Variants in SOS1 observed in about 807,000 individuals in gnomAD.
SOS1 encodes the protein son of sevenless homolog 1.
A neutral mutation model predicts 157.6 loss-of-function variants in SOS1; 25 were observed. The observed-to-expected ratio is 0.16, with a 90% CI of 0.12 to 0.22. The LOEUF (loss-of-function observed/expected upper bound fraction) is 0.22, where lower values mean the gene tolerates loss of function less well. Ranked by LOEUF, SOS1 falls within the 10% of genes least tolerant of loss-of-function variation. SOS1 has a pLI of 1.00. For missense variants in SOS1, 1,237 were observed against 1,599.1 expected, an observed-to-expected ratio of 0.77 and a Z score of 3.86; for synonymous variants, 528 against 534.0, an observed-to-expected ratio of 0.99 and a Z score of 0.16.
chr2:39,086,618 C>T (rs1297847578), intron 1 of SOS1, among the ~76,000 whole-genome samples: 3 of 152,166 alleles, frequency 2.0e-5, no homozygotes, highest in Non-Finnish European at 4.4e-5. Flanking sequence ...CCTTCCCCGA[C>T]AATTCCATGT....
At chr2:39,088,831 G>T (rs1186543323) in intron 1 of SOS1, among the ~76,000 whole-genome samples, 1 of 152,092 alleles carries the variant, frequency 6.6e-6, no homozygotes, top group Admixed American at 6.5e-5. Flanking sequence ...ATAGCTAGAA[G>T]TGGAACTACT....
chr2:39,096,946 T>C (rs191240415), intron 1 of SOS1, among the ~76,000 whole-genome samples: 41 of 152,126 alleles, frequency 2.7e-4, no homozygotes, highest in South Asian at 2.1e-4. Flanking sequence ...ATATAAAGAA[T>C]TGCCAGAAAT....
At chr2:39,066,707 G>A (rs938884396) in intron 2 of SOS1, among the ~76,000 whole-genome samples, 8 of 152,110 alleles carry the variant, frequency 5.3e-5, no homozygotes, top group African/African-American at 1.9e-4. Context: ...CTTTCTAAGA[G>A]ATTACACAAT....
intron 1 of SOS1, among the ~76,000 whole-genome samples, chr2:39,089,445 T>C (rs925944820): frequency 3.3e-5 from 5 of 151,092 alleles, no homozygotes; most frequent in African/African-American, 4.9e-5. Flanking sequence ...AGCATGAGAA[T>C]TGCTTGAGCC....
chr2:39,086,235 T>C (rs949973006), intron 1 of SOS1, among the ~76,000 whole-genome samples: 20 of 152,132 alleles, frequency 1.3e-4, no homozygotes, highest in Admixed American at 2.6e-4. Flanking sequence ...GAAAAGTATA[T>C]TGGTGAAGTG....
chr2:39,076,745 C>G (rs1672014277), intron 1 of SOS1, among the ~76,000 whole-genome samples: 1 of 152,090 alleles, frequency 6.6e-6, no homozygotes, highest in African/African-American at 2.4e-5. Context: ...ACAAGGATAC[C>G]TACTATCACA....
chr2:39,042,254 G>C (rs563090802), intron 6 of SOS1, among the ~76,000 whole-genome samples: 1 of 152,138 alleles, frequency 6.6e-6, no homozygotes, highest in African/African-American at 2.4e-5. Flanking sequence ...CTTACCATGT[G>C]AATTTTAGGA....
chr2:39,008,087 A>G lies in SOS1; in HGVS notation c.2511-894T>C, dbSNP rs150817914. The stretch of plus-strand genomic sequence containing the variant: ...GCAGGAGCAGGACTTCAGTTTTCTC[A>G]TCCTGTCCCTGCTGCCTGTTGCTGA... On this transcript the variant is annotated intron_variant, in intron 15 of 22. Transcript: ENST00000402219. Among the ~76,000 whole-genome samples the G allele has an allele frequency of 4.3e-3, 658 of 152,254 alleles. 6 individuals carry two copies. The highest frequency in any genetic ancestry group is 0.015 in the African/African-American group (630 of 41,550).
At chr2:39,083,870 C>T (rs2148175076) in intron 1 of SOS1, among the ~76,000 whole-genome samples, 1 of 152,256 alleles carries the variant, frequency 6.6e-6, no homozygotes, top group East Asian at 1.9e-4. Context: ...AATAGTGTCC[C>T]TCCAAAATTC....
chr2:39,003,627 A>C (rs966453239), intron 17 of SOS1, among the ~76,000 whole-genome samples: 16 of 152,238 alleles, frequency 1.1e-4, no homozygotes, highest in African/African-American at 3.6e-4. Flanking sequence ...CAGGAAAAAT[A>C]ATAAGGGGAA....
intron 2 of SOS1, among the ~76,000 whole-genome samples, chr2:39,066,690 A>G (rs371103179): frequency 6.6e-6 from 1 of 152,220 alleles, no homozygotes; most frequent in Non-Finnish European, 1.5e-5. Context: ...GACAAGGGCC[A>G]TATCATCTTT....
chr2:39,086,890 G>A (rs1244135740), intron 1 of SOS1, among the ~76,000 whole-genome samples: 1 of 151,976 alleles, frequency 6.6e-6, no homozygotes, highest in Non-Finnish European at 1.5e-5. Flanking sequence ...TTGGCTCACT[G>A]CAACCTCTGC....
chr2:39,120,514 C>CCGCGGCCCCACCGGACGG lies in SOS1; in HGVS notation c.-110_-93dup, dbSNP rs1673835865. 3 of 1,184,012 alleles carry CCGCGGCCCCACCGGACGG rather than the reference C, an allele frequency of 2.5e-6. No individual in the cohort carries two copies. Among genetic ancestry groups the CCGCGGCCCCACCGGACGG allele is most frequent in the Non-Finnish European group, 3.1e-6 (3 of 957,614 alleles). The allele number at this position is 1,184,012 out of a possible 1,614,324, so 73.3% of individuals were successfully genotyped here. A position where few individuals can be genotyped will look rare whatever the true frequency, so the allele number is the denominator to read the frequency against. Reference sequence around the variant, plus strand: ...GGCGAGCTCGCAGCGCGGAACAGGGCCGCGGCCCCACCGGACGGCCCGGCC... The same window carrying CCGCGGCCCCACCGGACGG: ...GGCGAGCTCGCAGCGCGGAACAGGGCCGCGGCCCCACCGGACGGCGCGGCCCCACCGGACGGCCCGGCC... On this transcript the variant is annotated 5_prime_UTR_variant, in exon 1 of 23. Transcript: ENST00000402219.
At chr2:39,070,361 A>T (rs1400792190) in intron 1 of SOS1, among the ~76,000 whole-genome samples, 1 of 152,142 alleles carries the variant, frequency 6.6e-6, no homozygotes, top group Non-Finnish European at 1.5e-5. Flanking sequence ...CTCTTTCCTT[A>T]GTATTAGGAC....
Position 39,007,016 on chromosome 2 carries a change from C to T in SOS1, c.2673+15G>A, listed in dbSNP as rs1669301810. On this transcript the variant is annotated intron_variant, in intron 16 of 22. Transcript: ENST00000402219. ...GGAATGAAAGTTCATTTTAAAAACA[C>T]ATGTAGAAACCTACCTCAAATGTGT... is the stretch of plus-strand genomic sequence containing the variant. 1.3e-6 allele frequency: 2 copies of T among 1,578,498 alleles called. No homozygotes were observed. The highest frequency in any genetic ancestry group is 1.7e-5 in the Admixed American group (1 of 59,932).
intron 1 of SOS1, among the ~76,000 whole-genome samples, chr2:39,071,332 T>C (rs1225391970): frequency 6.6e-6 from 1 of 152,042 alleles, no homozygotes; most frequent in Non-Finnish European, 1.5e-5. Flanking sequence ...ACGGAGTGGA[T>C]GCCCATGGAC....
At chr2:39,050,639 G>C (rs1025292260) in intron 6 of SOS1, among the ~76,000 whole-genome samples, 1 of 152,072 alleles carries the variant, frequency 6.6e-6, no homozygotes, top group Admixed American at 6.5e-5. Context: ...GCATCATGTT[G>C]GAATAGTTTC....
intron 10 of SOS1, among the ~76,000 whole-genome samples, chr2:39,020,189 G>A (rs1461600192): frequency 6.6e-6 from 1 of 151,432 alleles, no homozygotes; most frequent in Non-Finnish European, 1.5e-5. Flanking sequence ...CAAAGTGAAG[G>A]CTTGGGCATC....
At chr2:39,067,042 A>AT (rs796921564) in intron 2 of SOS1, among the ~76,000 whole-genome samples, 25 of 151,076 alleles carry the variant, frequency 1.7e-4, no homozygotes, top group Non-Finnish European at 2.8e-4. Flanking sequence ...AACTTTTAGC[A>AT]TTTTTTTTTG....
Sources: gnomAD v4.1 joint callset for allele counts (sites outside exome capture counted in the v4.1 genomes callset) on GRCh38, gnomAD v4.1.1 for gene constraint, MANE v1.5 for transcripts, NCBI Gene and HGNC (gene_info 2026-07-23, HGNC 2026-07-21) for gene names.